FARP1: variants seen among roughly 807,000 people sequenced by gnomAD.
FARP1 encodes FERM, ARH/RhoGEF and pleckstrin domain protein 1.
In FARP1, 52 loss-of-function variants were observed where a neutral mutation model predicts 128.8. The ratio of observed to expected loss-of-function variants is 0.40; its 90% confidence interval spans 0.32 to 0.51. FARP1 has a LOEUF of 0.51. FARP1 is among the 20% of genes least tolerant of loss of function. The probability of loss-of-function intolerance (pLI) is 0.45; values close to 1 mark genes in which losing one functional copy is unlikely to be tolerated. For synonymous variants in FARP1, 580 were observed against 551.8 expected, an observed-to-expected ratio of 1.05 and a Z score of -0.72; for missense variants, 1,333 against 1,367.9, an observed-to-expected ratio of 0.97 and a Z score of 0.40.
intron 17 of FARP1, 150 bp downstream of exon 17, chr13:98,424,800 A>G (rs554040185): frequency 7.6e-6 from 5 of 655,650 alleles, no homozygotes; most frequent in Admixed American, 4.3e-5. Context: ...GCCGAGCAGC[A>G]GCTTACAGCC....
At chr13:98,298,339 CTGAT>C (rs1404776705) in intron 2 of FARP1, among the ~76,000 whole-genome samples, 1 of 152,186 alleles carries the variant, frequency 6.6e-6, no homozygotes, top group African/African-American at 2.4e-5. Flanking sequence ...AATCTGAAGA[CTGAT>C]TGACAAGGTC....
At chr13:98,286,875 G>A (rs905519363) in intron 2 of FARP1, among the ~76,000 whole-genome samples, 1 of 152,174 alleles carries the variant, frequency 6.6e-6, no homozygotes, top group Non-Finnish European at 1.5e-5. Flanking sequence ...ATGGGCTTCA[G>A]GGATCCTTGC....
At chr13:98,173,401 G>A (rs1877784552) in intron 1 of FARP1, among the ~76,000 whole-genome samples, 1 of 152,114 alleles carries the variant, frequency 6.6e-6, no homozygotes, top group South Asian at 2.1e-4. Context: ...GTGTTTTCAG[G>A]TTTTGATTTT....
At chr13:98,335,882 C>T (rs534536317) in intron 2 of FARP1, among the ~76,000 whole-genome samples, 2 of 152,174 alleles carry the variant, frequency 1.3e-5, no homozygotes, top group African/African-American at 4.8e-5. Flanking sequence ...CAGCCATTCC[C>T]TTCTACTGAG....
chr13:98,250,635 C>T (rs1346007185), intron 2 of FARP1, among the ~76,000 whole-genome samples: 5 of 151,490 alleles, frequency 3.3e-5, no homozygotes, highest in African/African-American at 4.9e-5. Flanking sequence ...GCAGGAGAAT[C>T]GCTTGAACCC....
intron 2 of FARP1, among the ~76,000 whole-genome samples, chr13:98,332,045 C>A (rs770021488): frequency 2.0e-5 from 3 of 152,026 alleles, no homozygotes; most frequent in Non-Finnish European, 4.4e-5. Context: ...TTCGGATATG[C>A]TTTTTTCCCC....
At chr13:98,178,806 G>A (rs573956280) in intron 1 of FARP1, among the ~76,000 whole-genome samples, 1 of 152,202 alleles carries the variant, frequency 6.6e-6, no homozygotes, top group Non-Finnish European at 1.5e-5. Context: ...ACAGTGTAAA[G>A]AACAATTCAT....
intron 1 of FARP1, chr13:98,204,223 A>T (rs139195037): frequency 6.6e-6 from 1 of 152,280 alleles, no homozygotes; most frequent in East Asian, 1.9e-4. Context: ...AACACTTGTT[A>T]TTGTCTGTCT....
At chr13:98,323,758 G>GA (rs1237816005) in intron 2 of FARP1, among the ~76,000 whole-genome samples, 1 of 152,042 alleles carries the variant, frequency 6.6e-6, no homozygotes, top group African/African-American at 2.4e-5. Context: ...TACTTGATAA[G>GA]AAAAAAATCT....
chr13:98,439,784 C>T (rs1013313309), intron 21 of FARP1, among the ~76,000 whole-genome samples, 177 bp from the exon 22 acceptor site: 4 of 152,190 alleles, frequency 2.6e-5, no homozygotes, highest in Admixed American at 6.5e-5. Context: ...ATCTTCCTGT[C>T]GCCTTTCCGA....
intron 2 of FARP1, among the ~76,000 whole-genome samples, chr13:98,314,855 T>C (rs1008965633): frequency 2.6e-5 from 4 of 152,194 alleles, no homozygotes; most frequent in African/African-American, 7.2e-5. Context: ...GGCAGACCGA[T>C]TGTCCTTATT....
intron 2 of FARP1, among the ~76,000 whole-genome samples, chr13:98,270,157 A>C (rs1884323051): frequency 6.6e-6 from 1 of 152,206 alleles, no homozygotes; most frequent in Non-Finnish European, 1.5e-5. Flanking sequence ...AATACCAAGA[A>C]AATTGTTTTT....
chr13:98,212,961 A>G (rs1193444623), intron 1 of FARP1, among the ~76,000 whole-genome samples: 2 of 152,242 alleles, frequency 1.3e-5, no homozygotes. Context: ...CTGAATAATT[A>G]AGAACAGACT....
rs368353988 is a variant in FARP1 at position 98,416,951 on chromosome 13, T to C, written c.1826+4917T>C. 1.1e-4 allele frequency among the ~76,000 whole-genome samples: 16 copies of C among 152,330 alleles called. No individual in the cohort carries two copies. The South Asian group carries it at 2.1e-3, about 20-fold the overall frequency. On this transcript the variant is annotated intron_variant, in intron 16 of 26. Coordinates refer to ENST00000319562, the MANE Select transcript of FARP1 (RefSeq NM_005766.4). ...CAGCTGCATGTTTTAGGAGAAACTT[T>C]GGCCAGAGTCACGTGGAAAGCATGC...
At chr13:98,348,893 C>T (rs950073113) in intron 3 of FARP1, among the ~76,000 whole-genome samples, 1 of 152,172 alleles carries the variant, frequency 6.6e-6, no homozygotes, top group Non-Finnish European at 1.5e-5. Context: ...TTACAGTGAG[C>T]AAATCCAGAG....
intron 2 of FARP1, among the ~76,000 whole-genome samples, chr13:98,301,742 G>A (rs1348346568): frequency 6.6e-6 from 1 of 152,130 alleles, no homozygotes; most frequent in Non-Finnish European, 1.5e-5. Context: ...CACACAGAGG[G>A]ATACTTAACT....
chr13:98,219,034 AT>A (rs141814014), intron 2 of FARP1, among the ~76,000 whole-genome samples: 1 of 152,320 alleles, frequency 6.6e-6, no homozygotes, highest in African/African-American at 2.4e-5. Flanking sequence ...TCATTTCATT[AT>A]TATACCTTTT....
At chr13:98,371,590 A>T (rs1393208520) in intron 5 of FARP1, among the ~76,000 whole-genome samples, 1 of 151,610 alleles carries the variant, frequency 6.6e-6, no homozygotes, top group Non-Finnish European at 1.5e-5. Context: ...ATCACTCCCC[A>T]CTTGGTACAA....
At chr13:98,345,193 C>T (rs56742495) in intron 3 of FARP1, among the ~76,000 whole-genome samples, 15,994 of 152,214 alleles carry the variant, frequency 0.11, 1,091 homozygotes, top group African/African-American at 0.19. Flanking sequence ...CTAACAACCC[C>T]GTTCTGTGCC....
Sources: allele counts gnomAD v4.1 joint callset (sites outside exome capture counted in the v4.1 genomes callset), GRCh38; gene constraint gnomAD v4.1.1; transcripts MANE v1.5; gene names NCBI Gene and HGNC (gene_info 2026-07-23, HGNC 2026-07-21).